The following NOTCH2NLA variants were observed in gnomAD, a reference collection of about 807,000 sequenced individuals.
The protein encoded by NOTCH2NLA is notch 2 N-terminal like A, also known as notch homolog 2 N-terminal-like protein A.
At chr1:146,172,043 AC>A (rs1213082856) in intron 2 of NOTCH2NLA, among the ~76,000 whole-genome samples, 1 of 134,172 alleles carries the variant, frequency 7.5e-6, no homozygotes, top group Non-Finnish European at 1.6e-5. Context: ...AATGGTCTGA[AC>A]CCCTATAGCA....
chr1:146,185,470 C>G (rs1423484037), intron 2 of NOTCH2NLA, among the ~76,000 whole-genome samples: 10 of 136,608 alleles, frequency 7.3e-5, no homozygotes, highest in Non-Finnish European at 1.7e-5. Context: ...TATACAAGTT[C>G]TCCTAATCTG....
chr1:146,180,628 C>T (rs2746784), intron 2 of NOTCH2NLA, among the ~76,000 whole-genome samples: 10 of 142,726 alleles, frequency 7.0e-5, no homozygotes, highest in African/African-American at 9.8e-5. Flanking sequence ...AAGGTAAAAC[C>T]CAACTAAAAG....
intron 2 of NOTCH2NLA, among the ~76,000 whole-genome samples, chr1:146,180,809 T>A (rs1662513191): frequency 7.8e-6 from 1 of 128,500 alleles, no homozygotes; most frequent in African/African-American, 2.6e-5. Flanking sequence ...TAATAAATTT[T>A]AAAGTGCTTG....
At chr1:146,174,768 AG>A (rs1374404216) in intron 2 of NOTCH2NLA, among the ~76,000 whole-genome samples, 1 of 142,322 alleles carries the variant, frequency 7.0e-6, no homozygotes, top group African/African-American at 2.4e-5. Flanking sequence ...TGAGCTCTAG[AG>A]GGGGGAGCTG....
chr1:146,206,432 AT>A (rs1663588996), intron 1 of NOTCH2NLA, among the ~76,000 whole-genome samples: 1 of 70,160 alleles, frequency 1.4e-5, no homozygotes, highest in Non-Finnish European at 2.7e-5. Flanking sequence ...ATAATTAGTA[AT>A]TAAACAAGTT....
chr1:146,180,649 AC>A (rs1662503740), intron 2 of NOTCH2NLA, among the ~76,000 whole-genome samples: 1 of 143,418 alleles, frequency 7.0e-6, no homozygotes, highest in Non-Finnish European at 1.6e-5. Context: ...AAATATGAAA[AC>A]AAAATGCATA....
At chr1:146,173,114 A>G (rs1398313651) in intron 2 of NOTCH2NLA, among the ~76,000 whole-genome samples, 1 of 149,010 alleles carries the variant, frequency 6.7e-6, no homozygotes, top group African/African-American at 2.5e-5. Flanking sequence ...GAAATAACAG[A>G]CCCTTGTTTC....
intron 3 of NOTCH2NLA, among the ~76,000 whole-genome samples, chr1:146,160,008 C>G (rs1329207167): frequency 5.9e-5 from 4 of 67,528 alleles, no homozygotes; most frequent in African/African-American, 1.9e-4. Context: ...TGATCAGAAT[C>G]TTGCAGAACA....
intron 3 of NOTCH2NLA, among the ~76,000 whole-genome samples, chr1:146,159,692 G>A (rs327188): frequency 8.2e-5 from 10 of 121,390 alleles, no homozygotes; most frequent in African/African-American, 2.7e-4. Context: ...AGAATCGGCC[G>A]GGTGTGGTGG....
intron 1 of NOTCH2NLA, among the ~76,000 whole-genome samples, chr1:146,200,799 T>C (rs1320385552): frequency 8.9e-6 from 1 of 112,410 alleles, no homozygotes; most frequent in African/African-American, 3.5e-5. Context: ...CACAATTTGG[T>C]TTGCAAGTGC....
chr1:146,186,733 T>A (rs1553810318), intron 2 of NOTCH2NLA, among the ~76,000 whole-genome samples: 1 of 130,492 alleles, frequency 7.7e-6, no homozygotes, highest in East Asian at 2.1e-4. Flanking sequence ...ACCAAAAATA[T>A]ATAGGCGAAC....
At chr1:146,151,491 A>C, downstream of NOTCH2NLA, among the ~76,000 whole-genome samples, 1 of 80,734 alleles carries the variant, frequency 1.2e-5, no homozygotes. Context: ...CGTATCTCCC[A>C]CTCCATCACC....
chr1:146,180,257 C>T (rs1294355312), intron 2 of NOTCH2NLA, among the ~76,000 whole-genome samples: 1 of 143,090 alleles, frequency 7.0e-6, no homozygotes, highest in South Asian at 2.1e-4. Context: ...TAACACCTAC[C>T]TTTCTCCTCA....
intron 1 of NOTCH2NLA, among the ~76,000 whole-genome samples, chr1:146,195,155 TC>T (rs1663117043): frequency 8.9e-6 from 1 of 112,286 alleles, no homozygotes; most frequent in Admixed American, 9.2e-5. Context: ...TTTCGTCTTT[TC>T]TGAGTATTTG....
intron 1 of NOTCH2NLA, chr1:146,228,277 C>A (rs1450158706): frequency 2.6e-6 from 2 of 766,980 alleles, no homozygotes; most frequent in African/African-American, 3.9e-5. Context: ...CCCCCGCTCT[C>A]CACGCCAGAA....
In NOTCH2NLA at chr1:146,187,453, C is replaced by A. The variant is rs587622195; in HGVS notation, c.38+1847G>T. ...GTTCTAGATCCTTGAGGAATCGCCA[C>A]ACTGAAATTTTTAAAGGAGAGAACC... On this transcript the variant is annotated intron_variant, in intron 2 of 4. Coordinates refer to ENST00000362074, the Ensembl canonical transcript of NOTCH2NLA. Among the ~76,000 whole-genome samples the A allele has an allele frequency of 2.5e-4, 34 of 135,578 alleles. 4 individuals are homozygous for A. The highest frequency in any genetic ancestry group is 7.5e-4 in the African/African-American group (30 of 40,120). 88.9% of individuals were successfully genotyped at this position (135,578 alleles called of 152,430 possible). A position where few individuals can be genotyped will look rare whatever the true frequency, so the allele number is the denominator to read the frequency against.
intron 2 of NOTCH2NLA, among the ~76,000 whole-genome samples, chr1:146,171,188 T>G (rs1207779244): frequency 8.0e-6 from 1 of 124,582 alleles, no homozygotes; most frequent in Non-Finnish European, 1.9e-5. Context: ...TCTCAGCACT[T>G]TGGGAGGCCG....
At chr1:146,170,875 T>C (rs856461) in intron 2 of NOTCH2NLA, among the ~76,000 whole-genome samples, 14,989 of 127,224 alleles carry the variant, frequency 0.12, 302 homozygotes, top group African/African-American at 0.27. Flanking sequence ...TTCCTCAGTA[T>C]AGGGTTATTT....
intron 2 of NOTCH2NLA, among the ~76,000 whole-genome samples, chr1:146,188,043 A>G (rs1553810634): frequency 7.6e-6 from 1 of 131,772 alleles, no homozygotes; most frequent in East Asian, 2.1e-4. Context: ...TTAAAAAACT[A>G]AATCCTGGTG....
Sources: gnomAD v4.1 joint callset for allele counts (sites outside exome capture counted in the v4.1 genomes callset) on GRCh38, gnomAD v4.1.1 for gene constraint, MANE v1.5 for transcripts, NCBI Gene and HGNC (gene_info 2026-07-23, HGNC 2026-07-21) for gene names.